Variants in PTPRD observed in about 807,000 individuals in gnomAD.
The protein encoded by PTPRD is protein tyrosine phosphatase receptor type D, also known as receptor-type tyrosine-protein phosphatase delta.
In PTPRD, 34 loss-of-function variants were observed where a neutral mutation model predicts 214.5. The ratio of observed to expected loss-of-function variants is 0.16; its 90% CI spans 0.12 to 0.21. The LOEUF (loss-of-function observed/expected upper bound fraction) is 0.21, where lower values mean the gene tolerates loss of function less well. Among genes scored for constraint, PTPRD ranks in the 10% least tolerant of loss-of-function variants. The pLI is 1.00. For missense variants in PTPRD, 2,545 were observed against 2,398.7 expected (o/e 1.06, Z -1.27); for synonymous variants, 1,128 against 845.7 (o/e 1.33, Z -5.79).
intron 8 of PTPRD, among the ~76,000 whole-genome samples, chr9:9,412,971 G>C (rs1055987887): frequency 6.6e-6 from 1 of 151,984 alleles, no homozygotes; most frequent in Non-Finnish European, 1.5e-5. Context: ...GTGGAACTTA[G>C]CAGTCCACCT....
intron 9 of PTPRD, among the ~76,000 whole-genome samples, chr9:9,287,748 T>A (rs2133940583): frequency 6.6e-6 from 1 of 152,042 alleles, no homozygotes; most frequent in South Asian, 2.1e-4. Context: ...AAGATATTTC[T>A]GAGAAACACA....
chr9:8,949,895 T>C (rs949359280), intron 11 of PTPRD, among the ~76,000 whole-genome samples: 1 of 152,106 alleles, frequency 6.6e-6, no homozygotes, highest in Non-Finnish European at 1.5e-5. Context: ...AAATAGAAAT[T>C]TTATCTGCTC....
At chr9:9,370,824 G>C (rs532869195) in intron 9 of PTPRD, among the ~76,000 whole-genome samples, 21 of 140,120 alleles carry the variant, frequency 1.5e-4, no homozygotes, top group Non-Finnish European at 2.9e-4. Context: ...AGCATGAAGT[G>C]TTGTTGAATT....
chr9:10,254,762 C>T (rs2093102298), intron 3 of PTPRD, among the ~76,000 whole-genome samples: 1 of 152,092 alleles, frequency 6.6e-6, no homozygotes, highest in Non-Finnish European at 1.5e-5. Flanking sequence ...GCTCAGGGGT[C>T]ACAAAGACTC....
chr9:9,704,449 T>C (rs898193476), intron 7 of PTPRD, among the ~76,000 whole-genome samples: 2 of 152,114 alleles, frequency 1.3e-5, no homozygotes, highest in Non-Finnish European at 2.9e-5. Flanking sequence ...AGAATCTGGT[T>C]TGTCATTCCC....
At chr9:8,597,365 A>G (rs1041003870) in intron 14 of PTPRD, among the ~76,000 whole-genome samples, 11 of 152,094 alleles carry the variant, frequency 7.2e-5, no homozygotes, top group Admixed American at 6.6e-4. Context: ...CTTACCAATT[A>G]TGTTTCAGTT....
intron 5 of PTPRD, among the ~76,000 whole-genome samples, chr9:9,771,038 T>C (rs1315508934): frequency 1.3e-5 from 2 of 152,152 alleles, no homozygotes; most frequent in African/African-American, 2.4e-5. Context: ...AGTCAACAAT[T>C]ATTACTTCAC....
At chr9:9,049,590 C>T (rs1008469481) in intron 10 of PTPRD, among the ~76,000 whole-genome samples, 13 of 151,884 alleles carry the variant, frequency 8.6e-5, no homozygotes, top group African/African-American at 3.1e-4. Flanking sequence ...TTTTTTTTAG[C>T]AAAACGTTCC....
At chr9:8,955,223 A>G (rs1212198376) in intron 11 of PTPRD, among the ~76,000 whole-genome samples, 2 of 151,906 alleles carry the variant, frequency 1.3e-5, no homozygotes, top group Non-Finnish European at 1.5e-5. Flanking sequence ...AATATGAAAA[A>G]GTTGGCTGGG....
At chr9:9,563,955 G>A (rs1273663681) in intron 8 of PTPRD, among the ~76,000 whole-genome samples, 1 of 152,094 alleles carries the variant, frequency 6.6e-6, no homozygotes, top group Non-Finnish European at 1.5e-5. Flanking sequence ...GGGCATATGA[G>A]TCACTTAAAG....
At chr9:9,845,058 CAA>C (rs1491094006) in intron 5 of PTPRD, among the ~76,000 whole-genome samples, 2 of 46,678 alleles carry the variant, frequency 4.3e-5, no homozygotes, top group African/African-American at 7.1e-5. Context: ...ATATATAGAG[CAA>C]TATATATATA....
chr9:10,376,635 T>G (rs1221127109), intron 2 of PTPRD, among the ~76,000 whole-genome samples: 2 of 151,986 alleles, frequency 1.3e-5, no homozygotes, highest in African/African-American at 2.4e-5. Flanking sequence ...ACGAACCTAT[T>G]TATTCTTCAA....
chr9:8,629,721 G>A (rs182477400), intron 14 of PTPRD, among the ~76,000 whole-genome samples: 241 of 151,846 alleles, frequency 1.6e-3, no homozygotes, highest in African/African-American at 5.7e-3. Context: ...GTATTTTCTT[G>A]TGTTTCCATA....
At chr9:8,833,343 G>C (rs2097337684) in intron 11 of PTPRD, among the ~76,000 whole-genome samples, 1 of 152,022 alleles carries the variant, frequency 6.6e-6, no homozygotes, top group Non-Finnish European at 1.5e-5. Context: ...TGATAAGCCT[G>C]ATATATAAAA....
intron 9 of PTPRD, among the ~76,000 whole-genome samples, chr9:9,236,860 C>G (rs968651559): frequency 6.6e-6 from 1 of 152,050 alleles, no homozygotes; most frequent in African/African-American, 2.4e-5. Flanking sequence ...CTACCGCCAG[C>G]TCTCAATGTG....
At chr9:9,451,826 G>A (rs1203963699) in intron 8 of PTPRD, among the ~76,000 whole-genome samples, 2 of 151,312 alleles carry the variant, frequency 1.3e-5, no homozygotes, top group East Asian at 3.9e-4. Flanking sequence ...AGAATGGGTT[G>A]AATTTGCGCT....
chr9:10,397,444 C>T (rs1216147312), intron 2 of PTPRD, among the ~76,000 whole-genome samples: 1 of 151,882 alleles, frequency 6.6e-6, no homozygotes, highest in East Asian at 2.0e-4. Flanking sequence ...GACCTCAATC[C>T]TTTTGTTTTT....
At chr9:9,023,866 T>G (rs2099577911) in intron 10 of PTPRD, among the ~76,000 whole-genome samples, 1 of 152,106 alleles carries the variant, frequency 6.6e-6, no homozygotes, top group South Asian at 2.1e-4. Flanking sequence ...AATCTTACAA[T>G]TTACTTTCTT....
intron 5 of PTPRD, among the ~76,000 whole-genome samples, chr9:9,891,502 T>C (rs758631374): frequency 1.3e-5 from 2 of 152,090 alleles, no homozygotes; most frequent in Non-Finnish European, 2.9e-5. Flanking sequence ...ATGCTATGTA[T>C]ATTTCTCTGC....
Sources: gnomAD v4.1 joint callset for allele counts (sites outside exome capture counted in the v4.1 genomes callset) on GRCh38, gnomAD v4.1.1 for gene constraint, MANE v1.5 for transcripts, NCBI Gene and HGNC (gene_info 2026-07-23, HGNC 2026-07-21) for gene names.